Variants in ZBTB2 observed in about 807,000 individuals in gnomAD.
ZBTB2 encodes zinc finger and BTB domain containing 2.
In ZBTB2, 2 loss-of-function variants were observed where a neutral mutation model predicts 39.5. That is an observed-to-expected ratio of 0.05 (90% CI 0.02 to 0.16). The LOEUF is 0.16. Ranked by LOEUF, ZBTB2 falls within the 10% of genes least tolerant of loss-of-function variation. ZBTB2 has a pLI of 1.00. For synonymous variants in ZBTB2, 251 were observed against 256.6 expected (o/e 0.98, Z 0.21); for missense variants, 391 against 653.0 (o/e 0.60, Z 4.37).
rs967156425 is a variant in ZBTB2 at position 151,364,321 on chromosome 6, C to G, written c.*1200G>C. Reference sequence around the variant, plus strand: ...TGAGGCCCTTCTTTTATTGGCCTAACGGAAGATTAATGAACAATTTTTACT... The same window carrying G: ...TGAGGCCCTTCTTTTATTGGCCTAAGGGAAGATTAATGAACAATTTTTACT... On this transcript the variant is annotated 3_prime_UTR_variant, in exon 3 of 3. Transcript: ENST00000325144. 6.6e-6 allele frequency: 1 copy of G among 152,052 alleles called. No homozygotes were observed. The highest frequency in any genetic ancestry group is 1.5e-5 in the Non-Finnish European group (1 of 67,978). The allele number at this position is 152,052 out of a possible 1,614,324, so 9.4% of individuals were successfully genotyped here. A position where few individuals can be genotyped will look rare whatever the true frequency, so the allele number is the denominator to read the frequency against.
chr6:151,377,462 G>A (rs1325203132), intron 1 of ZBTB2, among the ~76,000 whole-genome samples: 2 of 149,704 alleles, frequency 1.3e-5, no homozygotes, highest in African/African-American at 2.5e-5. Flanking sequence ...TCTGCCTCCC[G>A]GGTTCAAGCT....
intron 1 of ZBTB2, among the ~76,000 whole-genome samples, chr6:151,380,925 C>T (rs1779020805): frequency 6.6e-6 from 1 of 152,112 alleles, no homozygotes; most frequent in South Asian, 2.1e-4. Context: ...CTGCCATTTA[C>T]CCCAAAGGAC....
chr6:151,388,784 A>T (rs538934137), intron 1 of ZBTB2, among the ~76,000 whole-genome samples: 1 of 152,382 alleles, frequency 6.6e-6, no homozygotes, highest in African/African-American at 2.4e-5. Context: ...GGCAGCTTTT[A>T]TTCTATAACT....
intron 1 of ZBTB2, among the ~76,000 whole-genome samples, chr6:151,387,610 G>A (rs983943692): frequency 2.6e-5 from 4 of 152,184 alleles, no homozygotes; most frequent in African/African-American, 7.2e-5. Context: ...AGAACTTAGC[G>A]AGTGCCCCCT....
chr6:151,382,035 T>C (rs1477400596), intron 1 of ZBTB2, among the ~76,000 whole-genome samples: 1 of 152,216 alleles, frequency 6.6e-6, no homozygotes, highest in Non-Finnish European at 1.5e-5. Context: ...GCCTAGGCTA[T>C]ATGGTAATCT....
At position 151,373,870 on chromosome 6, in the gene ZBTB2, A is replaced by AC. The variant is rs1374107838; in HGVS notation, c.-12-222_-12-221insG. 1.9e-4 allele frequency among the ~76,000 whole-genome samples: 23 copies of AC among 123,594 alleles called. 1 individual carries two copies. Among genetic ancestry groups the AC allele is most frequent in the African/African-American group, 5.3e-4 (15 of 28,188 alleles). The allele number at this position is 123,594 out of a possible 152,430, so 81.1% of individuals were successfully genotyped here. On this transcript the variant is annotated intron_variant, in intron 1 of 2. Coordinates refer to ENST00000325144, the MANE Select transcript of ZBTB2 (RefSeq NM_020861.3). Reference sequence around the variant, plus strand: ...AAAAAAAAAAAAAAAAAAAAAAAAAAAAAAAAACCAGATGATGCCATTTAA... The same window carrying AC: ...AAAAAAAAAAAAAAAAAAAAAAAAAACAAAAAAACCAGATGATGCCATTTAA...
intron 1 of ZBTB2, among the ~76,000 whole-genome samples, chr6:151,385,188 T>A (rs1475789559): frequency 1.3e-5 from 2 of 152,234 alleles, no homozygotes; most frequent in Non-Finnish European, 2.9e-5. Flanking sequence ...TCTGTATATG[T>A]ATGTGTACAA....
intron 1 of ZBTB2, among the ~76,000 whole-genome samples, chr6:151,373,870 A>AAAAAAAACAAAACAAAAC (rs1554336611): frequency 9.7e-5 from 12 of 123,596 alleles, no homozygotes; most frequent in African/African-American, 4.3e-4. Flanking sequence ...AAAAAAAAAA[A>AAAAAAAACAAAACAAAAC]AAAAAAACCA....
chr6:151,379,947 G>A (rs1778995732), intron 1 of ZBTB2, among the ~76,000 whole-genome samples: 1 of 152,080 alleles, frequency 6.6e-6, no homozygotes, highest in Non-Finnish European at 1.5e-5. Context: ...CCATAAGAAT[G>A]AAGTCATGAT....
At chr6:151,388,354 C>T (rs1582925992) in intron 1 of ZBTB2, among the ~76,000 whole-genome samples, 1 of 152,202 alleles carries the variant, frequency 6.6e-6, no homozygotes, top group African/African-American at 2.4e-5. Flanking sequence ...GCTGGAAGGG[C>T]AGTTCCCACC....
intron 1 of ZBTB2, among the ~76,000 whole-genome samples, chr6:151,388,062 T>A (rs1156376453): frequency 7.5e-6 from 1 of 134,034 alleles, no homozygotes; most frequent in African/African-American, 3.3e-5. Flanking sequence ...TTAGAATGTT[T>A]ACATTTTTTT....
chr6:151,383,347 G>T (rs1026967363), intron 1 of ZBTB2, among the ~76,000 whole-genome samples: 1 of 152,172 alleles, frequency 6.6e-6, no homozygotes. Context: ...ACCTTGCCCA[G>T]CTAATTATAT....
At chr6:151,367,495 A>C (rs1263614486) in intron 2 of ZBTB2, among the ~76,000 whole-genome samples, 1 of 152,182 alleles carries the variant, frequency 6.6e-6, no homozygotes, top group African/African-American at 2.4e-5. Flanking sequence ...CACCATCAAC[A>C]TCAGCACTGC....
chr6:151,391,055 G>T (rs971496734), intron 1 of ZBTB2, among the ~76,000 whole-genome samples: 1 of 82,950 alleles, frequency 1.2e-5, no homozygotes, highest in Non-Finnish European at 2.3e-5. Flanking sequence ...CCGCCCTCTC[G>T]GCTTCCGTCC....
intron 2 of ZBTB2, among the ~76,000 whole-genome samples, chr6:151,371,548 C>T (rs9397395): frequency 0.64 from 97,527 of 151,914 alleles, 31,565 homozygotes; most frequent in Non-Finnish European, 0.68. Context: ...GCCATGAAAG[C>T]AGATCTGGTT....
rs1778602105 is a variant in ZBTB2 at position 151,364,532 on chromosome 6, A to G, written c.*989T>C. The G allele has an allele frequency of 6.6e-6, 1 of 152,264 alleles. No individual in the cohort carries two copies. The highest frequency in any genetic ancestry group is 6.5e-5 in the Admixed American group (1 of 15,290). The allele number at this position is 152,264 out of a possible 1,614,324, so 9.4% of individuals were successfully genotyped here. On this transcript the variant is annotated 3_prime_UTR_variant, in exon 3 of 3. Coordinates refer to ENST00000325144, the MANE Select transcript of ZBTB2 (RefSeq NM_020861.3). ...TTAATGTTGCCAGTAAACTATCAGC[A>G]TTGACTTTCAGTCATTGAAGTTACT...
At chr6:151,374,156 G>A in intron 1 of ZBTB2, among the ~76,000 whole-genome samples, 1 of 152,140 alleles carries the variant, frequency 6.6e-6, no homozygotes, top group East Asian at 1.9e-4. Flanking sequence ...GTTGGGGCGG[G>A]GTCCCAGCAG....
Position 151,365,808 on chromosome 6 carries a change from T to C in ZBTB2, c.1258A>G (p.Met420Val), listed in dbSNP as rs1336600767. Residue 420 changes from methionine to valine, a missense_variant, in exon 3 of 3, where the codon ATG becomes GTG. By Grantham distance (21) the Met-to-Val change is conservative (BLOSUM62 1). This residue lies in a region of ZBTB2 where 32 missense variants were observed against 73.5 expected (regional missense o/e 0.44). Transcript: ENST00000325144. This position sits in a 1 kb window ranked among gnomAD's most constrained non-coding sequence, Gnocchi z 5.6. ...AGTTCCAGAGTCTGTTTGTCCACCA[T>C]GGTGTAAGTGTCGATGCTCTGGTTG... ...CLNQSIDTYTMVDKQTLELCT... is the reference protein window; with the variant it reads ...CLNQSIDTYTVVDKQTLELCT... The C allele has an allele frequency of 6.2e-7, 1 of 1,614,186 alleles. No individual in the cohort carries two copies. Among genetic ancestry groups the C allele is most frequent in the Admixed American group, 1.7e-5 (1 of 60,012 alleles).
At chr6:151,390,023 G>A (rs997513570) in intron 1 of ZBTB2, among the ~76,000 whole-genome samples, 2 of 151,866 alleles carry the variant, frequency 1.3e-5, no homozygotes, top group African/African-American at 4.8e-5. Flanking sequence ...GTCCGGTTGG[G>A]GCGTGAGGGC....
Sources: gnomAD v4.1 joint callset for allele counts (sites outside exome capture counted in the v4.1 genomes callset) on GRCh38, gnomAD v4.1.1 for gene constraint, gnomAD v4.1.1 regional missense constraint, Gnocchi (gnomAD v3.1) non-coding constraint, MANE v1.5 for transcripts, NCBI Gene and HGNC (gene_info 2026-07-23, HGNC 2026-07-21) for gene names.